The following TAFA4 variants were observed in gnomAD, a reference collection of about 807,000 sequenced individuals.
The protein encoded by TAFA4 is TAFA chemokine like family member 4, also known as chemokine-like protein TAFA-4.
TAFA4 carries 20 observed loss-of-function variants against 21.1 expected under a neutral mutation model. The observed-to-expected ratio is 0.95, with a 90% CI of 0.67 to 1.38. The LOEUF is 1.38. Among genes scored for constraint, TAFA4 ranks in the 40% most tolerant of loss-of-function variants. The probability of loss-of-function intolerance (pLI) is 0.00; values close to 1 mark genes in which losing one functional copy is unlikely to be tolerated. For missense variants in TAFA4, 211 were observed against 180.9 expected (o/e 1.17, Z -0.95); for synonymous variants, 71 against 67.4 (o/e 1.05, Z -0.26).
intron 1 of TAFA4, among the ~76,000 whole-genome samples, chr3:68,925,242 T>C (rs547200972): frequency 1.3e-5 from 2 of 152,254 alleles, no homozygotes; most frequent in African/African-American, 4.8e-5. Context: ...GAGAAGGAAT[T>C]AATCCAAAAA....
intron 3 of TAFA4, among the ~76,000 whole-genome samples, chr3:68,818,074 G>C (rs924892372): frequency 6.6e-6 from 1 of 152,158 alleles, no homozygotes; most frequent in Non-Finnish European, 1.5e-5. Flanking sequence ...AAAATCTATT[G>C]TGTAGCGTAG....
intron 3 of TAFA4, among the ~76,000 whole-genome samples, chr3:68,864,445 A>C (rs1250681151): frequency 2.6e-5 from 4 of 152,132 alleles, no homozygotes; most frequent in African/African-American, 9.6e-5. Context: ...TACAGACAAT[A>C]CTTAGTGCTG....
At chr3:68,925,083 TAGACAAAGC>T (rs1318125587) in intron 1 of TAFA4, among the ~76,000 whole-genome samples, 2 of 152,282 alleles carry the variant, frequency 1.3e-5, no homozygotes, top group Non-Finnish European at 2.9e-5. Flanking sequence ...TAAGCAGACC[TAGACAAAGC>T]AGACAAAGAG....
chr3:68,869,469 T>C (rs1393587209), intron 3 of TAFA4, among the ~76,000 whole-genome samples: 2 of 151,954 alleles, frequency 1.3e-5, no homozygotes, highest in African/African-American at 4.8e-5. Flanking sequence ...AACAAAACAC[T>C]GGAAAACAAA....
At chr3:68,798,532 C>T in intron 3 of TAFA4, among the ~76,000 whole-genome samples, 1 of 152,158 alleles carries the variant, frequency 6.6e-6, no homozygotes, top group Non-Finnish European at 1.5e-5. Flanking sequence ...TCATGCATGG[C>T]AGCTGTTGAA....
intron 1 of TAFA4, among the ~76,000 whole-genome samples, chr3:68,909,744 T>C (rs1421304238): frequency 6.6e-6 from 1 of 152,254 alleles, no homozygotes; most frequent in Non-Finnish European, 1.5e-5. Context: ...GTGTTACTTA[T>C]CTAATGCTGC....
chr3:68,826,370 G>A (rs527474954), intron 3 of TAFA4, among the ~76,000 whole-genome samples: 2 of 152,214 alleles, frequency 1.3e-5, no homozygotes, highest in Admixed American at 6.5e-5. Flanking sequence ...TCAGCCGATC[G>A]AGACCATCCT....
chr3:68,738,976 A>T, intron 5 of TAFA4, 99 bp downstream of exon 5: 1 of 1,522,692 alleles, frequency 6.6e-7, no homozygotes, highest in South Asian at 1.3e-5. Flanking sequence ...AGGTTTATTA[A>T]CACATAATAA....
chr3:68,917,290 G>A (rs1294782555), intron 1 of TAFA4, among the ~76,000 whole-genome samples: 3 of 152,124 alleles, frequency 2.0e-5, no homozygotes, highest in Non-Finnish European at 2.9e-5. Context: ...TTAATGTAAT[G>A]ACAGATTTCA....
At chr3:68,767,800 C>T (rs1702884966) in intron 3 of TAFA4, among the ~76,000 whole-genome samples, 2 of 151,742 alleles carry the variant, frequency 1.3e-5, no homozygotes, top group African/African-American at 4.8e-5. Flanking sequence ...ATATATATTT[C>T]CACATATCAC....
At chr3:68,775,538 G>A (rs1019435608) in intron 3 of TAFA4, among the ~76,000 whole-genome samples, 20 of 152,136 alleles carry the variant, frequency 1.3e-4, no homozygotes, top group African/African-American at 4.1e-4. Context: ...TTATTCACAA[G>A]CTACTCCAGC....
intron 4 of TAFA4, among the ~76,000 whole-genome samples, chr3:68,751,286 A>G (rs1358667377): frequency 6.6e-6 from 1 of 152,194 alleles, no homozygotes; most frequent in Non-Finnish European, 1.5e-5. Flanking sequence ...TGTGGTTTTC[A>G]GTATGGGAGT....
At chr3:68,774,212 A>T (rs4855507) in intron 3 of TAFA4, among the ~76,000 whole-genome samples, 1 of 152,038 alleles carries the variant, frequency 6.6e-6, no homozygotes. Flanking sequence ...AGCAATAAAA[A>T]CCTGGAATTT....
intron 2 of TAFA4, 33 bp from the exon 3 acceptor site, chr3:68,880,878 G>A (rs1360378859): frequency 6.4e-7 from 1 of 1,569,186 alleles, no homozygotes; most frequent in East Asian, 2.3e-5. Context: ...GTCAGTGAGG[G>A]CTGAGGAAGG....
intron 3 of TAFA4, among the ~76,000 whole-genome samples, chr3:68,773,031 T>G (rs1702988075): frequency 6.6e-6 from 1 of 152,136 alleles, no homozygotes; most frequent in Middle Eastern, 3.2e-3. Context: ...CTATTAAAAT[T>G]AAAAGTCATG....
intron 3 of TAFA4, among the ~76,000 whole-genome samples, chr3:68,827,226 T>C (rs1293815116): frequency 1.3e-5 from 2 of 152,192 alleles, no homozygotes; most frequent in Non-Finnish European, 2.9e-5. Flanking sequence ...CATCCTTTTT[T>C]ATGGCTGCAT....
chr3:68,761,993 A>G (rs1397776781), intron 3 of TAFA4, among the ~76,000 whole-genome samples: 1 of 152,148 alleles, frequency 6.6e-6, no homozygotes, highest in East Asian at 1.9e-4. Context: ...TCTTAAATAG[A>G]CAGGTAACTG....
intron 4 of TAFA4, among the ~76,000 whole-genome samples, chr3:68,742,782 G>C (rs963945282): frequency 3.3e-5 from 5 of 152,100 alleles, no homozygotes; most frequent in Non-Finnish European, 7.3e-5. Context: ...TGAGGTCCAG[G>C]GGCCTTAAGT....
intron 3 of TAFA4, among the ~76,000 whole-genome samples, chr3:68,755,512 A>G (rs1430803346): frequency 6.6e-6 from 1 of 152,108 alleles, no homozygotes; most frequent in East Asian, 1.9e-4. Context: ...TGTGGCTGCC[A>G]CCCTCTAAGA....
Sources: gnomAD v4.1 joint callset for allele counts (sites outside exome capture counted in the v4.1 genomes callset) on GRCh38, gnomAD v4.1.1 for gene constraint, MANE v1.5 for transcripts, NCBI Gene and HGNC (gene_info 2026-07-23, HGNC 2026-07-21) for gene names.